Variants in SLC29A3 observed in about 807,000 individuals in gnomAD.
SLC29A3 encodes the protein equilibrative nucleoside transporter 3.
A neutral mutation model predicts 25.4 loss-of-function variants in SLC29A3; 18 were observed. The ratio of observed to expected loss-of-function variants is 0.71; its 90% CI spans 0.49 to 1.05. The LOEUF is 1.05. Ranked by LOEUF, SLC29A3 falls within the 50% of genes least tolerant of loss-of-function variation. The pLI, the probability that SLC29A3 is intolerant of heterozygous loss-of-function variation, is 0.00. For synonymous variants in SLC29A3, 258 were observed against 267.1 expected (o/e 0.97, Z 0.33); for missense variants, 586 against 609.0 (o/e 0.96, Z 0.40).
intron 3 of SLC29A3, 60 bp from the exon 4 acceptor site, chr10:71,351,502 C>A: frequency 6.5e-7 from 1 of 1,530,400 alleles, no homozygotes; most frequent in Non-Finnish European, 9.0e-7. Flanking sequence ...GGCTCACCAG[C>A]CCCAGCCCAC....
In SLC29A3 at chr10:71,362,277, C is replaced by A; in HGVS notation, c.1097C>A (p.Thr366Asn). The change falls in exon 6 of 6, where the codon ACC (threonine) becomes AAC (asparagine). Residue 366 changes from threonine (T) to asparagine (N), a missense_variant. Physicochemically the swap from Thr to Asn is moderately conservative, Grantham distance 65 (BLOSUM62 0). Coordinates refer to ENST00000373189, the MANE Select transcript of SLC29A3 (RefSeq NM_018344.6). ...GCTGACCTATGTGGCCGGCAGCTCA[C>A]CGCCTGGATCCAGGTGCCAGGGCCC... ...NFADLCGRQLTAWIQVPGPNS... is the reference protein window; with the variant it reads ...NFADLCGRQLNAWIQVPGPNS... 6.2e-7 allele frequency: 1 copy of A among 1,614,202 alleles called. No homozygotes were observed. Among genetic ancestry groups the A allele is most frequent in the Non-Finnish European group, 8.5e-7 (1 of 1,180,032 alleles).
chr10:71,369,677 A>G (rs1295223642), intron 3 of SLC29A3, among the ~76,000 whole-genome samples: 1 of 152,232 alleles, frequency 6.6e-6, no homozygotes, highest in Non-Finnish European at 1.5e-5. Context: ...CAGCAGGATG[A>G]GTGTGGTCTA....
intron 2 of SLC29A3, among the ~76,000 whole-genome samples, chr10:71,330,599 G>A (rs1413306353): frequency 6.6e-6 from 1 of 152,174 alleles, no homozygotes; most frequent in Non-Finnish European, 1.5e-5. Context: ...GTCGCCCTTG[G>A]GCCTTTTGCC....
chr10:71,355,961 T>C (rs1846893729), intron 4 of SLC29A3, 120 bp from the exon 5 acceptor site: 2 of 1,125,324 alleles, frequency 1.8e-6, no homozygotes, highest in Non-Finnish European at 2.6e-6. Flanking sequence ...GAGAGAGCTT[T>C]GGCATTTTTC....
chr10:71,362,987 A>G lies in SLC29A3; in HGVS notation c.*379A>G, dbSNP rs6650127. 1,138 of 473,152 alleles carry G rather than the reference A, an allele frequency of 2.4e-3. 10 individuals are homozygous for G. Among genetic ancestry groups the G allele is most frequent in the African/African-American group, 0.021 (1,049 of 51,004 alleles). 29.3% of individuals were successfully genotyped at this position (473,152 alleles called of 1,614,324 possible). ...AGCCATGGGCTCTTTGCAACCTCCC[A>G]GCTGCGCTCATTCCAGCTGACAGCG... On this transcript the variant is annotated 3_prime_UTR_variant, in exon 6 of 6. Transcript: ENST00000373189.
intron 3 of SLC29A3, among the ~76,000 whole-genome samples, chr10:71,369,265 A>AT (rs1343893536): frequency 6.6e-6 from 1 of 152,218 alleles, no homozygotes; most frequent in Non-Finnish European, 1.5e-5. Flanking sequence ...AGGCTATGAT[A>AT]TTTTTGTTAT....
chr10:71,339,850 C>T (rs911880467), intron 2 of SLC29A3, among the ~76,000 whole-genome samples: 3 of 152,178 alleles, frequency 2.0e-5, no homozygotes, highest in Non-Finnish European at 4.4e-5. Context: ...CCCAGAGCCC[C>T]TCCTTCCATG....
At chr10:71,340,190 C>T (rs1450854514) in intron 2 of SLC29A3, among the ~76,000 whole-genome samples, 1 of 152,218 alleles carries the variant, frequency 6.6e-6, no homozygotes, top group African/African-American at 2.4e-5. Context: ...CATCCACCTG[C>T]GTTCCAGCCC....
intron 4 of SLC29A3, among the ~76,000 whole-genome samples, chr10:71,378,775 G>C (rs1296797191): frequency 6.6e-6 from 1 of 152,196 alleles, no homozygotes; most frequent in African/African-American, 2.4e-5. Flanking sequence ...ATGGGCTTGA[G>C]CTCCCGTTGT....
chr10:71,330,790 T>C (rs1013730651), intron 2 of SLC29A3, among the ~76,000 whole-genome samples: 2 of 152,226 alleles, frequency 1.3e-5, no homozygotes, highest in African/African-American at 4.8e-5. Context: ...CACAGATTCA[T>C]TCATTAACTC....
chr10:71,362,676 G>C lies in SLC29A3; in HGVS notation c.*68G>C, dbSNP rs751174589. On this transcript the variant is annotated 3_prime_UTR_variant, in exon 6 of 6. Coordinates refer to ENST00000373189, the MANE Select transcript of SLC29A3 (RefSeq NM_018344.6). ...ATGAGAAGAGAGTGCAGGAGGGCTG[G>C]GGGCCATGGAGGAAAGGCCTAAAGT... is the stretch of plus-strand genomic sequence containing the variant. 16 of 1,604,052 alleles carry C rather than the reference G, an allele frequency of 1.0e-5. No homozygotes were observed. The African/African-American group carries it at 1.6e-4, about 16-fold the overall frequency.
At chr10:71,345,719 A>T (rs1216391739) in intron 3 of SLC29A3, among the ~76,000 whole-genome samples, 1 of 152,222 alleles carries the variant, frequency 6.6e-6, no homozygotes, top group Non-Finnish European at 1.5e-5. Context: ...GAGGGGGCAC[A>T]GCCTGCGGAG....
Position 71,379,820 on chromosome 10 carries a change from G to A in SLC29A3, c.*266G>A, listed in dbSNP as rs1195120982. 3 of 152,138 alleles carry A rather than the reference G, an allele frequency of 2.0e-5. No individual in the cohort carries two copies. In the East Asian group the frequency reaches 5.8e-4, roughly 29 times the overall value. The allele number at this position is 152,138 out of a possible 1,614,324, so 9.4% of individuals were successfully genotyped here. On this transcript the variant is annotated 3_prime_UTR_variant and NMD_transcript_variant, in exon 5 of 5. Coordinates refer to the SLC29A3 transcript ENST00000642772. ...AGGCTGGACACTTTGGAAAAATCCC[G>A]AGTGCACTTTGTGGACACTGCTGGC... is the stretch of plus-strand genomic sequence containing the variant.
chr10:71,363,808 C>CTTTTTTTTTTTTTT (rs71012277), downstream of SLC29A3, among the ~76,000 whole-genome samples: 6 of 103,728 alleles, frequency 5.8e-5, 1 homozygote, highest in Admixed American at 1.0e-4. Context: ...TTTCCTTTTT[C>CTTTTTTTTTTTTTT]TTTTCTTTTT....
chr10:71,327,099 A>G (rs572083702), intron 2 of SLC29A3, among the ~76,000 whole-genome samples: 20 of 152,240 alleles, frequency 1.3e-4, no homozygotes, highest in African/African-American at 3.4e-4. Flanking sequence ...CTGCAACTCA[A>G]TTAGCTGTGG....
downstream of SLC29A3, among the ~76,000 whole-genome samples, chr10:71,366,558 C>T (rs538558820): frequency 6.6e-6 from 1 of 152,158 alleles, no homozygotes; most frequent in Admixed American, 6.5e-5. Context: ...TTTCTGAGAA[C>T]ATGCTTATTC....
At chr10:71,368,680 C>T (rs760765070) in intron 3 of SLC29A3, among the ~76,000 whole-genome samples, 1 of 152,190 alleles carries the variant, frequency 6.6e-6, no homozygotes, top group South Asian at 2.1e-4. Flanking sequence ...CTATCACTAT[C>T]ATGAATGCAC....
At chr10:71,325,801 G>A (rs998342189) in intron 2 of SLC29A3, among the ~76,000 whole-genome samples, 3 of 152,058 alleles carry the variant, frequency 2.0e-5, no homozygotes, top group Non-Finnish European at 2.9e-5. Flanking sequence ...CAGGGCCTTC[G>A]AGCTACCAAG....
intron 1 of SLC29A3, among the ~76,000 whole-genome samples, chr10:71,322,370 C>A (rs987892170): frequency 1.3e-5 from 2 of 152,152 alleles, no homozygotes; most frequent in African/African-American, 4.8e-5. Flanking sequence ...GGTCCTAATT[C>A]TTTTTTATGG....
Sources: gnomAD v4.1 joint callset for allele counts (sites outside exome capture counted in the v4.1 genomes callset) on GRCh38, gnomAD v4.1.1 for gene constraint, MANE v1.5 for transcripts, NCBI Gene and HGNC (gene_info 2026-07-23, HGNC 2026-07-21) for gene names.